Variants in PAPPA2 observed in about 807,000 individuals in gnomAD.
PAPPA2 encodes pappalysin-2.
A neutral mutation model predicts 176.4 loss-of-function variants in PAPPA2; 86 were observed. That is an observed-to-expected ratio of 0.49 (90% CI 0.41 to 0.58). The LOEUF (loss-of-function observed/expected upper bound fraction) is 0.58. Ranked by LOEUF, PAPPA2 falls within the 20% of genes least tolerant of loss-of-function variation. PAPPA2 has a pLI of 0.00. For synonymous variants in PAPPA2, 809 were observed against 852.2 expected, an observed-to-expected ratio of 0.95 and a Z score of 0.88; for missense variants, 2,073 against 2,256.9, an observed-to-expected ratio of 0.92 and a Z score of 1.65.
intron 1 of PAPPA2, among the ~76,000 whole-genome samples, chr1:176,498,150 T>C (rs537231393): frequency 1.3e-5 from 2 of 152,200 alleles, no homozygotes; most frequent in South Asian, 4.2e-4. Context: ...CCGTTTTTTC[T>C]TTTTTTTCTT....
chr1:176,710,979 T>G (rs895173836), intron 11 of PAPPA2, among the ~76,000 whole-genome samples: 1 of 152,096 alleles, frequency 6.6e-6, no homozygotes, highest in African/African-American at 2.4e-5. Flanking sequence ...AGTCAGCATT[T>G]CAAGGAAGGA....
intron 3 of PAPPA2, among the ~76,000 whole-genome samples, chr1:176,640,305 T>C (rs1656994728): frequency 6.6e-6 from 1 of 151,296 alleles, no homozygotes; most frequent in Non-Finnish European, 1.5e-5. Flanking sequence ...ACTCGTCATC[T>C]AGCATTAGGT....
intron 3 of PAPPA2, among the ~76,000 whole-genome samples, chr1:176,612,178 G>A (rs1371029356): frequency 1.3e-5 from 2 of 152,134 alleles, no homozygotes; most frequent in Non-Finnish European, 2.9e-5. Flanking sequence ...CAGATCACAT[G>A]AGACCAGGCG....
At chr1:176,763,175 A>G (rs1663775314) in intron 14 of PAPPA2, among the ~76,000 whole-genome samples, 2 of 152,222 alleles carry the variant, frequency 1.3e-5, no homozygotes, top group Non-Finnish European at 2.9e-5. Context: ...GTAGTTGACC[A>G]CTAACACAAT....
chr1:176,569,151 C>T (rs1024107769), intron 2 of PAPPA2, among the ~76,000 whole-genome samples: 1 of 151,892 alleles, frequency 6.6e-6, no homozygotes, highest in African/African-American at 2.4e-5. Flanking sequence ...TATACATACA[C>T]ACCCACCCAC....
chr1:176,643,663 G>A lies in PAPPA2; in HGVS notation c.1992-27307G>A, dbSNP rs572100858. On this transcript the variant is annotated intron_variant, in intron 3 of 22. Transcript: ENST00000367662. ...AAAATGCTTAGCTCTAGATTTCCTG[G>A]GGAAAGGGAAATCCAGCTGGAATAG... Among the ~76,000 whole-genome samples the A allele has an allele frequency of 5.9e-5, 9 of 151,884 alleles. No individual in the cohort carries two copies. In the South Asian group the frequency reaches 1.7e-3, roughly 28 times the overall value.
chr1:176,577,711 G>A (rs1652733042), intron 2 of PAPPA2, among the ~76,000 whole-genome samples: 1 of 151,914 alleles, frequency 6.6e-6, no homozygotes, highest in Non-Finnish European at 1.5e-5. Flanking sequence ...GCTCTCTCTG[G>A]GGGGTCGGGG....
At chr1:176,732,445 G>A (rs1662206357) in intron 12 of PAPPA2, among the ~76,000 whole-genome samples, 1 of 152,150 alleles carries the variant, frequency 6.6e-6, no homozygotes, top group Non-Finnish European at 1.5e-5. Context: ...TGGATTGGAT[G>A]ATTTCTTTCG....
chr1:176,467,105 G>T (rs776244414), intron 1 of PAPPA2, among the ~76,000 whole-genome samples: 2 of 152,016 alleles, frequency 1.3e-5, no homozygotes, highest in Non-Finnish European at 2.9e-5. Context: ...ATATACCTAG[G>T]CTTTATGGCA....
At chr1:176,796,351 C>T (rs1254967526) in intron 20 of PAPPA2, among the ~76,000 whole-genome samples, 2 of 152,178 alleles carry the variant, frequency 1.3e-5, no homozygotes, top group Admixed American at 6.5e-5. Context: ...CTCAGGAGCA[C>T]ATACATGTAG....
chr1:176,772,325 A>T (rs911443430), intron 17 of PAPPA2, among the ~76,000 whole-genome samples: 2 of 152,212 alleles, frequency 1.3e-5, no homozygotes, highest in Non-Finnish European at 2.9e-5. Context: ...TATTCTTCTA[A>T]GATTTTGTTT....
chr1:176,655,863 T>C (rs1658004377), intron 3 of PAPPA2, among the ~76,000 whole-genome samples: 1 of 151,860 alleles, frequency 6.6e-6, no homozygotes, highest in African/African-American at 2.4e-5. Flanking sequence ...AAAATTTCTG[T>C]TCCTTAGAGT....
At chr1:176,753,280 C>T (rs938925350) in intron 14 of PAPPA2, among the ~76,000 whole-genome samples, 2 of 152,198 alleles carry the variant, frequency 1.3e-5, no homozygotes. Flanking sequence ...TAATCAGTCT[C>T]TGAGTCTGGT....
At chr1:176,665,008 T>A (rs976265882) in intron 3 of PAPPA2, among the ~76,000 whole-genome samples, 7 of 152,006 alleles carry the variant, frequency 4.6e-5, no homozygotes, top group African/African-American at 1.7e-4. Flanking sequence ...GAGCAAGGAA[T>A]GAGGGAGGAA....
intron 1 of PAPPA2, among the ~76,000 whole-genome samples, chr1:176,497,991 A>G (rs1303491681): frequency 1.3e-5 from 2 of 152,190 alleles, no homozygotes; most frequent in Non-Finnish European, 2.9e-5. Context: ...TTTGTAAGGT[A>G]ATAAGTTTCA....
chr1:176,788,982 A>C (rs532629310), intron 17 of PAPPA2, among the ~76,000 whole-genome samples: 207 of 152,248 alleles, frequency 1.4e-3, no homozygotes, highest in Middle Eastern at 3.4e-3. Context: ...TTGATCCTCA[A>C]ATCACTTCTG....
chr1:176,655,676 T>C (rs927732040), intron 3 of PAPPA2, among the ~76,000 whole-genome samples: 1 of 151,780 alleles, frequency 6.6e-6, no homozygotes, highest in Non-Finnish European at 1.5e-5. Context: ...CAATGGAGAC[T>C]TGGAAAAGTG....
intron 3 of PAPPA2, among the ~76,000 whole-genome samples, chr1:176,615,371 C>T (rs1299494366): frequency 6.6e-6 from 1 of 152,206 alleles, no homozygotes; most frequent in African/African-American, 2.4e-5. Context: ...AGTGCAGTGG[C>T]GCCATCTCGG....
chr1:176,771,778 C>T (rs1437411832), intron 17 of PAPPA2, among the ~76,000 whole-genome samples: 1 of 152,176 alleles, frequency 6.6e-6, no homozygotes, highest in Non-Finnish European at 1.5e-5. Flanking sequence ...AGACCCATGG[C>T]AAGAAACACT....
Sources: gnomAD v4.1 joint callset for allele counts (sites outside exome capture counted in the v4.1 genomes callset) on GRCh38, gnomAD v4.1.1 for gene constraint, MANE v1.5 for transcripts, NCBI Gene and HGNC (gene_info 2026-07-23, HGNC 2026-07-21) for gene names.